The following ITPR2 variants were observed in gnomAD, a reference collection of about 807,000 sequenced individuals.
ITPR2 encodes inositol 1,4,5-trisphosphate receptor type 2.
Under a neutral mutation model 317.1 loss-of-function variants are expected in ITPR2, and 207 were observed. The ratio of observed to expected loss-of-function variants is 0.65; its 90% CI spans 0.58 to 0.73. ITPR2 has a LOEUF of 0.73. Ranked by LOEUF, ITPR2 falls within the 30% of genes least tolerant of loss-of-function variation. The probability of loss-of-function intolerance (pLI) is 0.00; values close to 1 mark genes in which losing one functional copy is unlikely to be tolerated. For missense variants in ITPR2, 2,613 were observed against 3,284.0 expected (o/e 0.80, Z 4.99); for synonymous variants, 1,156 against 1,149.1 (o/e 1.01, Z -0.12).
At chr12:26,800,255 C>T (rs188816060) in intron 1 of ITPR2, among the ~76,000 whole-genome samples, 1 of 152,010 alleles carries the variant, frequency 6.6e-6, no homozygotes, top group Admixed American at 6.5e-5. Flanking sequence ...AAGTTTTATA[C>T]TTGATATACT....
chr12:26,677,759 A>G (rs576953143), intron 13 of ITPR2, among the ~76,000 whole-genome samples: 5 of 152,334 alleles, frequency 3.3e-5, no homozygotes, highest in East Asian at 3.9e-4. Flanking sequence ...AATTAAAAAG[A>G]TATGGAAAAA....
chr12:26,718,215 CT>C (rs1244768052), intron 5 of ITPR2, among the ~76,000 whole-genome samples: 4 of 152,180 alleles, frequency 2.6e-5, no homozygotes, highest in African/African-American at 9.7e-5. Context: ...CCCCCACCCC[CT>C]GACAGGCTCT....
intron 21 of ITPR2, among the ~76,000 whole-genome samples, chr12:26,651,335 T>G (rs1947248013): frequency 6.6e-6 from 1 of 151,990 alleles, no homozygotes; most frequent in Non-Finnish European, 1.5e-5. Flanking sequence ...CTTTCTTCAG[T>G]GTCACCTATT....
At chr12:26,607,945 G>C (rs1262527665) in intron 26 of ITPR2, among the ~76,000 whole-genome samples, 1 of 151,888 alleles carries the variant, frequency 6.6e-6, no homozygotes, top group Non-Finnish European at 1.5e-5. Context: ...TTAGCCGGGC[G>C]TTTCTACTAA....
chr12:26,771,511 A>G (rs11048679), intron 2 of ITPR2, among the ~76,000 whole-genome samples: 46,230 of 151,946 alleles, frequency 0.3, 8,363 homozygotes, highest in East Asian at 0.76. Context: ...TGTTATTATT[A>G]TTGTTTTTGT....
At chr12:26,680,308 T>C (rs1048232926) in intron 13 of ITPR2, among the ~76,000 whole-genome samples, 7 of 152,188 alleles carry the variant, frequency 4.6e-5, no homozygotes, top group African/African-American at 7.2e-5. Flanking sequence ...TATGTATATA[T>C]TGAATTACAC....
At chr12:26,356,748 C>T (rs1938653143) in intron 55 of ITPR2, among the ~76,000 whole-genome samples, 1 of 152,132 alleles carries the variant, frequency 6.6e-6, no homozygotes, top group Non-Finnish European at 1.5e-5. Flanking sequence ...GGTCTTGCTA[C>T]ATTGCCCAGG....
intron 45 of ITPR2, among the ~76,000 whole-genome samples, chr12:26,456,722 G>C (rs1380720379): frequency 6.6e-6 from 1 of 152,098 alleles, no homozygotes; most frequent in Non-Finnish European, 1.5e-5. Flanking sequence ...ACCCAGGCTG[G>C]AGTGCAATGG....
chr12:26,398,536 C>T lies in ITPR2; in HGVS notation c.7696+340G>A, dbSNP rs144979846. ...AATCATATTTGGATTCATATTCTAA[C>T]AAAATTAAATGTGATTCTGTTGCAT... is the stretch of plus-strand genomic sequence containing the variant. On this transcript the variant is annotated intron_variant, in intron 54 of 56. Coordinates refer to ENST00000381340, the MANE Select transcript of ITPR2 (RefSeq NM_002223.4). 4.3e-3 allele frequency among the ~76,000 whole-genome samples: 655 copies of T among 152,318 alleles called. 4 individuals carry two copies. The highest frequency in any genetic ancestry group is 0.015 in the African/African-American group (611 of 41,556).
intron 37 of ITPR2, among the ~76,000 whole-genome samples, chr12:26,532,485 G>A (rs2136962642): frequency 6.6e-6 from 1 of 152,240 alleles, no homozygotes; most frequent in South Asian, 2.1e-4. Context: ...GGCTCAAGCA[G>A]TCTTCCCACC....
At chr12:26,765,681 AGTGT>A (rs1289098864) in intron 2 of ITPR2, among the ~76,000 whole-genome samples, 1 of 152,134 alleles carries the variant, frequency 6.6e-6, no homozygotes, top group Non-Finnish European at 1.5e-5. Flanking sequence ...ACTTATTTAA[AGTGT>A]GTAATTTCAA....
chr12:26,446,163 T>A (rs1330069783), intron 45 of ITPR2, among the ~76,000 whole-genome samples: 1 of 152,076 alleles, frequency 6.6e-6, no homozygotes, highest in Non-Finnish European at 1.5e-5. Flanking sequence ...GAAAAGCAGC[T>A]ATAAAATAGC....
chr12:26,830,482 G>A (rs1199356329), intron 1 of ITPR2, among the ~76,000 whole-genome samples: 3 of 152,332 alleles, frequency 2.0e-5, no homozygotes, highest in African/African-American at 7.2e-5. Context: ...ACTCTTGGCT[G>A]GGAATCTGGA....
intron 10 of ITPR2, among the ~76,000 whole-genome samples, chr12:26,689,205 T>C (rs1214476704): frequency 6.6e-6 from 1 of 152,012 alleles, no homozygotes; most frequent in African/African-American, 2.4e-5. Flanking sequence ...TCACCTGAGC[T>C]CAGGAGTTCA....
intron 32 of ITPR2, among the ~76,000 whole-genome samples, chr12:26,584,072 G>A (rs1030421123): frequency 6.6e-6 from 1 of 152,108 alleles, no homozygotes; most frequent in Non-Finnish European, 1.5e-5. Flanking sequence ...TCCCAATCAA[G>A]AGAGACACAC....
intron 52 of ITPR2, among the ~76,000 whole-genome samples, chr12:26,401,792 C>T (rs1197987899): frequency 3.3e-5 from 5 of 152,172 alleles, no homozygotes; most frequent in South Asian, 2.1e-4. Context: ...TCTTCTGAGC[C>T]GACTTTATTT....
intron 55 of ITPR2, among the ~76,000 whole-genome samples, chr12:26,372,387 T>C (rs957989439): frequency 1.3e-5 from 2 of 152,246 alleles, no homozygotes; most frequent in African/African-American, 4.8e-5. Flanking sequence ...TAATTTAAAA[T>C]GTACTGTCTG....
chr12:26,524,441 TATAA>T (rs141531014), intron 37 of ITPR2, among the ~76,000 whole-genome samples: 2,935 of 152,324 alleles, frequency 0.019, 54 homozygotes, highest in African/African-American at 0.046. Context: ...CCATTGGATT[TATAA>T]ATAATGAACC....
chr12:26,355,157 A>C (rs1203393487), intron 55 of ITPR2, among the ~76,000 whole-genome samples: 1 of 152,228 alleles, frequency 6.6e-6, no homozygotes, highest in Non-Finnish European at 1.5e-5. Context: ...TAGATAACTT[A>C]AGGTCTAACC....
Sources: allele counts gnomAD v4.1 joint callset (sites outside exome capture counted in the v4.1 genomes callset), GRCh38; gene constraint gnomAD v4.1.1; transcripts MANE v1.5; gene names NCBI Gene and HGNC (gene_info 2026-07-23, HGNC 2026-07-21).